The following CENATAC variants were observed in gnomAD, a reference collection of about 807,000 sequenced individuals.
The protein encoded by CENATAC is centrosomal AT-AC splicing factor, also known as coiled-coil domain containing 84.
A neutral mutation model predicts 53.7 loss-of-function variants in CENATAC; 53 were observed. The ratio of observed to expected loss-of-function variants is 0.99; its 90% CI spans 0.79 to 1.24. CENATAC has a LOEUF of 1.24. Among genes scored for constraint, CENATAC ranks in the 50% most tolerant of loss-of-function variants. CENATAC has a pLI of 0.00. For synonymous variants in CENATAC, 156 were observed against 144.6 expected (o/e 1.08, Z -0.57); for missense variants, 474 against 417.8 (o/e 1.13, Z -1.17).
Position 118,998,184 on chromosome 11 carries a change from C to T in CENATAC, c.-14C>T, listed in dbSNP as rs184850085. ...GATCGGCCGCTGGTGGTGGTGATAC[C>T]GGGTACCCGGGCTATGGCGCCGGCG... On this transcript the variant is annotated 5_prime_UTR_variant, in exon 1 of 11. Transcript: ENST00000334418. The T allele has an allele frequency of 9.4e-4, 1,475 of 1,574,024 alleles. No homozygotes were observed. Among genetic ancestry groups the T allele is most frequent in the Non-Finnish European group, 1.0e-3 (1,209 of 1,162,352 alleles).
At chr11:119,015,286 A>C (rs782591713) in intron 9 of CENATAC, 21 bp from the exon 10 acceptor site, 87 of 1,585,026 alleles carry the variant, frequency 5.5e-5, no homozygotes, top group Non-Finnish European at 7.4e-5. Context: ...GAAAAATAAA[A>C]GTTTCCCTAT....
rs1943124659 is a variant in CENATAC, at chr11:119,015,531, C to T, written c.939-7C>T. On this transcript the variant is annotated splice_region_variant and splice_polypyrimidine_tract_variant and intron_variant, in intron 10 of 10. Transcript: ENST00000334418. Reference sequence around the variant, plus strand: ...CATCATCGTGTTAACCCTTTATTTCCTTTCAGACATCAATTCAAAACTGAA... The same window carrying T: ...CATCATCGTGTTAACCCTTTATTTCTTTTCAGACATCAATTCAAAACTGAA... 2 of 1,614,096 alleles carry T rather than the reference C, an allele frequency of 1.2e-6. No homozygotes were observed. Among genetic ancestry groups the T allele is most frequent in the East Asian group, 2.2e-5 (1 of 44,884 alleles).
chr11:119,010,668 G>A (rs1353187463), intron 3 of CENATAC, 96 bp from the exon 4 acceptor site: 3 of 1,072,628 alleles, frequency 2.8e-6, no homozygotes, highest in East Asian at 2.4e-5. Context: ...TTCTGAATTT[G>A]GAATTTCTCA....
chr11:119,009,249 C>T (rs963523255), intron 3 of CENATAC, among the ~76,000 whole-genome samples: 2 of 152,244 alleles, frequency 1.3e-5, no homozygotes, highest in Non-Finnish European at 1.5e-5. Flanking sequence ...GTCTCAGCCT[C>T]CCAAGTAGCT....
In CENATAC at chr11:119,015,716, AT is replaced by A. The variant is rs1187226146; in HGVS notation, c.*121del. 25 of 1,301,638 alleles carry A rather than the reference AT, an allele frequency of 1.9e-5. No individual in the cohort carries two copies. Among genetic ancestry groups the A allele is most frequent in the Admixed American group, 4.1e-5 (2 of 49,218 alleles). The allele number at this position is 1,301,638 out of a possible 1,614,324, so 80.6% of individuals were successfully genotyped here. A position where few individuals can be genotyped will look rare whatever the true frequency, so the allele number is the denominator to read the frequency against. Reference sequence around the variant, plus strand: ...GGAAACAGACATACTCATTCATTTGATTTAATAAAGTTTTATTTTTCCAAAT... The same window carrying A: ...GGAAACAGACATACTCATTCATTTGATTAATAAAGTTTTATTTTTCCAAAT... On this transcript the variant is annotated 3_prime_UTR_variant, in exon 11 of 11. Coordinates refer to ENST00000334418, the MANE Select transcript of CENATAC (RefSeq NM_198489.3).
In CENATAC at chr11:119,015,102, G is replaced by C. The variant is rs782639221; in HGVS notation, c.805+19G>C. On this transcript the variant is annotated intron_variant, in intron 9 of 10. Transcript: ENST00000334418. ...AAAGAAAGTAAGTAAACTAATTCAA[G>C]AGAGGATCGTCTAAATCTTCACACT... 6.3e-7 allele frequency: 1 copy of C among 1,575,530 alleles called. No homozygotes were observed. Among genetic ancestry groups the C allele is most frequent in the South Asian group, 1.1e-5 (1 of 87,774 alleles).
chr11:118,998,505 T>G lies in CENATAC; in HGVS notation c.196T>G (p.Cys66Gly), dbSNP rs1200927310. 1 of 1,612,298 alleles carries G rather than the reference T, an allele frequency of 6.2e-7. No homozygotes were observed. The highest frequency in any genetic ancestry group is 8.5e-7 in the Non-Finnish European group (1 of 1,179,302). ...GCCCGAACACGAGCGATGCTGCTGG[T>G]GCCTGTGCTGCGGCTGTGAGGTGCG... ...YVPEHERCCWCLCCGCEVREH... is the reference protein window; with the variant it reads ...YVPEHERCCWGLCCGCEVREH... The change falls in exon 2 of 11, where the codon TGC (cysteine) becomes GGC (glycine). Residue 66 changes from cysteine (C) to glycine (G), a missense_variant. By Grantham distance (159) the Cys-to-Gly change is radical. Coordinates refer to ENST00000334418, the MANE Select transcript of CENATAC (RefSeq NM_198489.3).
At chr11:119,008,505 T>C (rs1385523076) in intron 3 of CENATAC, among the ~76,000 whole-genome samples, 1 of 152,210 alleles carries the variant, frequency 6.6e-6, no homozygotes, top group Non-Finnish European at 1.5e-5. Flanking sequence ...ACTGTAAACA[T>C]GTCTCGCCTC....
chr11:119,005,854 A>G (rs1233320725), intron 3 of CENATAC: 8 of 152,072 alleles, frequency 5.3e-5, no homozygotes, highest in African/African-American at 1.9e-4. Context: ...ATAATCGCAC[A>G]AAGTATAGGA....
intron 3 of CENATAC, chr11:119,010,419 A>G: frequency 3.8e-6 from 1 of 264,264 alleles, no homozygotes; most frequent in Non-Finnish European, 7.2e-6. Flanking sequence ...GTCTATACTA[A>G]CCAGCCAAAT....
Position 118,998,263 on chromosome 11 carries a change from C to T in CENATAC, c.66C>T (p.Tyr22=), listed in dbSNP as rs1942110446. ...QTFFCGRGHV[Y]SRKHQRQLKE... ...TCTTCTGTGGTCGCGGGCACGTTTACAGCCGCAAGCACCAGCGGCAGCTGA... is the reference window on the plus strand; with the variant it reads ...TCTTCTGTGGTCGCGGGCACGTTTATAGCCGCAAGCACCAGCGGCAGCTGA... Residue 22 remains tyrosine (Y), a synonymous_variant, in exon 1 of 11, where the codon TAC becomes TAT. Coordinates refer to ENST00000334418, the MANE Select transcript of CENATAC (RefSeq NM_198489.3). The T allele has an allele frequency of 6.3e-7, 1 of 1,593,502 alleles. No homozygotes were observed. Among genetic ancestry groups the T allele is most frequent in the African/African-American group, 1.3e-5 (1 of 74,750 alleles).
intron 3 of CENATAC, among the ~76,000 whole-genome samples, chr11:119,000,955 A>C (rs1942264471): frequency 6.6e-6 from 1 of 152,104 alleles, no homozygotes; most frequent in Non-Finnish European, 1.5e-5. Flanking sequence ...AATGCTGGGC[A>C]ACTGCAGCTG....
chr11:118,998,547 G>C lies in CENATAC; in HGVS notation c.238G>C (p.Gly80Arg), dbSNP rs1044681005. 1.9e-6 allele frequency: 3 copies of C among 1,594,276 alleles called. No individual in the cohort carries two copies. In the African/African-American group the frequency reaches 4.0e-5, roughly 21 times the overall value. The change falls in exon 2 of 11, where the codon GGA becomes CGA. Residue 80 changes from glycine (G) to arginine (R), a missense_variant. Physicochemically the swap from Gly to Arg is moderately radical, Grantham distance 125 (BLOSUM62 -2). Transcript: ENST00000334418. ...TGAGGTGCGGGAACACCTGAGCCAT[G>C]GAAACCTGACGGTGCTGTACGGGGG... is the stretch of plus-strand genomic sequence containing the variant. The part of the protein sequence containing the change: ...GCEVREHLSH[G>R]NLTVLYGGLL...
rs1239233641 is a variant in CENATAC, at chr11:119,012,748, C to T, written c.685-484C>T. 6 of 165,350 alleles carry T rather than the reference C, an allele frequency of 3.6e-5. 1 individual carries two copies. Among genetic ancestry groups the T allele is most frequent in the Admixed American group, 2.3e-4 (4 of 17,098 alleles). 10.2% of individuals were successfully genotyped at this position (165,350 alleles called of 1,614,324 possible). On this transcript the variant is annotated intron_variant, in intron 7 of 10. Transcript: ENST00000334418. ...TCTACACTTCAGCTGTATTGTGTTG[C>T]TTCGGGCTTTTGCAGTTGCCATTGT...
intron 3 of CENATAC, among the ~76,000 whole-genome samples, chr11:119,006,555 G>T (rs1302630055): frequency 6.6e-6 from 1 of 152,098 alleles, no homozygotes; most frequent in African/African-American, 2.4e-5. Context: ...ATTTTTAGTA[G>T]AGATGGGGTT....
intron 8 of CENATAC, chr11:119,014,379 C>CA (rs1187864778): frequency 6.6e-6 from 1 of 152,246 alleles, no homozygotes; most frequent in Admixed American, 6.5e-5. Context: ...GTCAGGAGTT[C>CA]AAGACCAGTT....
At chr11:119,008,334 G>A (rs1479175233) in intron 3 of CENATAC, among the ~76,000 whole-genome samples, 1 of 152,122 alleles carries the variant, frequency 6.6e-6, no homozygotes, top group Non-Finnish European at 1.5e-5. Context: ...AGGACAGCAG[G>A]GTGATAATAA....
chr11:119,003,185 C>T, intron 3 of CENATAC: 4 of 389,954 alleles, frequency 1.0e-5, no homozygotes, highest in Non-Finnish European at 1.4e-5. Flanking sequence ...GTGCGTGTGT[C>T]TTCTGTCTTC....
chr11:118,998,148 G>C lies in CENATAC; in HGVS notation c.-50G>C. The C allele has an allele frequency of 6.4e-7, 1 of 1,552,720 alleles. No individual in the cohort carries two copies. Among genetic ancestry groups the C allele is most frequent in the Non-Finnish European group, 8.7e-7 (1 of 1,152,694 alleles). ...CGAGGGGTCAGGGTCAGAGGCCGCC[G>C]GATGGCGTAGGATCGGCCGCTGGTG... On this transcript the variant is annotated 5_prime_UTR_variant, in exon 1 of 11. Coordinates refer to ENST00000334418, the MANE Select transcript of CENATAC (RefSeq NM_198489.3).
Sources: gnomAD v4.1 joint callset for allele counts (sites outside exome capture counted in the v4.1 genomes callset) on GRCh38, gnomAD v4.1.1 for gene constraint, MANE v1.5 for transcripts, NCBI Gene and HGNC (gene_info 2026-07-23, HGNC 2026-07-21) for gene names.